Variants in YWHAG observed in about 807,000 individuals in gnomAD.
The protein encoded by YWHAG is 14-3-3 protein gamma.
YWHAG carries 1 observed loss-of-function variant against 23.3 expected under a neutral mutation model. That is an observed-to-expected ratio of 0.04 (90% confidence interval 0.02 to 0.20). YWHAG has a LOEUF of 0.20. Ranked by LOEUF, YWHAG falls within the 10% of genes least tolerant of loss-of-function variation. The probability of loss-of-function intolerance (pLI) is 1.00; values close to 1 mark genes in which losing one functional copy is unlikely to be tolerated. For missense variants in YWHAG, 151 were observed against 338.6 expected, an observed-to-expected ratio of 0.45 and a Z score of 4.35; for synonymous variants, 160 against 144.0, an observed-to-expected ratio of 1.11 and a Z score of -0.80.
chr7:76,329,491 C>CCAA lies in YWHAG; in HGVS notation c.*85_*86insTTG. The CCAA allele has an allele frequency of 2.0e-6, 2 of 981,326 alleles. No individual in the cohort carries two copies. Among genetic ancestry groups the CCAA allele is most frequent in the Non-Finnish European group, 2.8e-6 (2 of 704,828 alleles). 60.8% of individuals were successfully genotyped at this position (981,326 alleles called of 1,614,324 possible). On this transcript the variant is annotated 3_prime_UTR_variant, in exon 2 of 2. Transcript: ENST00000307630. This position sits in a 1 kb window ranked among gnomAD's most constrained non-coding sequence, Gnocchi z 6.1. ...CCTGGGAAGGTCATCCCTCCCTTTC[C>CCAA]CTCCCCCACCCGACCCCCAACTCAT...
At chr7:76,348,657 G>T (rs189774699) in intron 1 of YWHAG, among the ~76,000 whole-genome samples, 1 of 151,982 alleles carries the variant, frequency 6.6e-6, no homozygotes, top group Non-Finnish European at 1.5e-5. Flanking sequence ...ACCCACCTCA[G>T]CCTCCCAAAG....
At position 76,327,101 on chromosome 7, in the gene YWHAG, T is replaced by TC. The variant is rs747097663; in HGVS notation, c.*2475dup. 12 of 151,656 alleles carry TC rather than the reference T, an allele frequency of 7.9e-5. No individual in the cohort carries two copies. The highest frequency in any genetic ancestry group is 2.1e-4 in the South Asian group (1 of 4,784). 9.4% of individuals were successfully genotyped at this position (151,656 alleles called of 1,614,324 possible). A position where few individuals can be genotyped will look rare whatever the true frequency, so the allele number is the denominator to read the frequency against. On this transcript the variant is annotated 3_prime_UTR_variant, in exon 2 of 2. Coordinates refer to ENST00000307630, the MANE Select transcript of YWHAG (RefSeq NM_012479.4). ...AAGCTAACACTGGTGTTTCTTTTGCTCCCCCCCTTTTAAAAACAAAATATA... is the reference window on the plus strand; with the variant it reads ...AAGCTAACACTGGTGTTTCTTTTGCTCCCCCCCCTTTTAAAAACAAAATATA...
chr7:76,342,600 A>T (rs186065930), intron 1 of YWHAG, among the ~76,000 whole-genome samples: 394 of 152,224 alleles, frequency 2.6e-3, no homozygotes, highest in Non-Finnish European at 4.0e-3. Flanking sequence ...CATATCCTAG[A>T]GTCTTCTCTA....
chr7:76,351,358 C>A (rs1385989996), intron 1 of YWHAG, among the ~76,000 whole-genome samples: 1 of 149,374 alleles, frequency 6.7e-6, no homozygotes, highest in Non-Finnish European at 1.5e-5. Flanking sequence ...ATTCTCCTCT[C>A]CTGTTCATTC....
At chr7:76,349,302 G>A (rs1159606511) in intron 1 of YWHAG, among the ~76,000 whole-genome samples, 1 of 148,174 alleles carries the variant, frequency 6.7e-6, no homozygotes, top group Non-Finnish European at 1.5e-5. Context: ...TCGCGCCACT[G>A]CACTCCAGCC....
rs1803465758 is a variant in YWHAG, at chr7:76,327,668, G to GCACCCCCCCCCCCCCCCC, written c.*1908_*1909insGGGGGGGGGGGGGGGGTG. 1 of 47,086 alleles carries GCACCCCCCCCCCCCCCCC rather than the reference G, an allele frequency of 2.1e-5. No homozygotes were observed. The highest frequency in any genetic ancestry group is 3.7e-5 in the Non-Finnish European group (1 of 27,254). 2.9% of individuals were successfully genotyped at this position (47,086 alleles called of 1,614,324 possible). The stretch of plus-strand genomic sequence containing the variant: ...AATTAGGGAAAGCCCCACCTACCCT[G>GCACCCCCCCCCCCCCCCC]CCCCCCCCCCCCTCCCCCCCCAAAT... On this transcript the variant is annotated 3_prime_UTR_variant, in exon 2 of 2. Transcript: ENST00000307630.
At chr7:76,341,361 G>A (rs564724521) in intron 1 of YWHAG, among the ~76,000 whole-genome samples, 7 of 125,480 alleles carry the variant, frequency 5.6e-5, no homozygotes, top group Non-Finnish European at 9.4e-5. Flanking sequence ...CTGAGGTGGC[G>A]CCACTGCACT....
intron 1 of YWHAG, among the ~76,000 whole-genome samples, chr7:76,355,947 T>A (rs1345892471): frequency 6.6e-6 from 1 of 152,220 alleles, no homozygotes; most frequent in Non-Finnish European, 1.5e-5. Flanking sequence ...AGACTAAACA[T>A]CTGTCTTAAA....
At chr7:76,355,633 TG>T (rs928712702) in intron 1 of YWHAG, among the ~76,000 whole-genome samples, 21 of 151,942 alleles carry the variant, frequency 1.4e-4, no homozygotes, top group African/African-American at 4.4e-4. Context: ...TGGAAGAGCC[TG>T]GGGGGGAGGG....
At chr7:76,356,110 A>C (rs1803951755) in intron 1 of YWHAG, among the ~76,000 whole-genome samples, 1 of 152,206 alleles carries the variant, frequency 6.6e-6, no homozygotes, top group Admixed American at 6.5e-5. Context: ...TAATCCCTTT[A>C]TCAACAGGAT....
intron 1 of YWHAG, among the ~76,000 whole-genome samples, chr7:76,352,570 T>G (rs1203866777): frequency 6.6e-6 from 1 of 152,208 alleles, no homozygotes. Flanking sequence ...CAAGAGTTTA[T>G]TTGGAATAAT....
chr7:76,354,991 T>C (rs186873227), intron 1 of YWHAG, among the ~76,000 whole-genome samples: 32 of 152,366 alleles, frequency 2.1e-4, no homozygotes, highest in African/African-American at 6.7e-4. Context: ...GACAAAGGGA[T>C]AGACAATTAT....
intron 1 of YWHAG, among the ~76,000 whole-genome samples, chr7:76,348,598 G>T (rs1803822421): frequency 6.6e-6 from 1 of 151,982 alleles, no homozygotes; most frequent in Admixed American, 6.6e-5. Context: ...TAGAGACGGG[G>T]TTTCACCGTG....
At chr7:76,354,091 A>G (rs538703714) in intron 1 of YWHAG, among the ~76,000 whole-genome samples, 2 of 151,574 alleles carry the variant, frequency 1.3e-5, no homozygotes, top group Non-Finnish European at 2.9e-5. Context: ...AAGCAATCAA[A>G]CGCACACATA....
intron 1 of YWHAG, among the ~76,000 whole-genome samples, chr7:76,333,205 A>C (rs1019927958): frequency 6.6e-6 from 1 of 152,032 alleles, no homozygotes; most frequent in Non-Finnish European, 1.5e-5. Context: ...CCTGGCCTCA[A>C]GTGATCCACC....
chr7:76,330,500 G>T (rs116471358), intron 1 of YWHAG, among the ~76,000 whole-genome samples: 4,120 of 152,282 alleles, frequency 0.027, 196 homozygotes, highest in African/African-American at 0.093. Flanking sequence ...ACAAAACACT[G>T]TCAAGTCTAG....
intron 1 of YWHAG, among the ~76,000 whole-genome samples, chr7:76,331,291 AG>A: frequency 6.9e-6 from 1 of 145,622 alleles, no homozygotes; most frequent in South Asian, 2.1e-4. Flanking sequence ...GGATGGGGAG[AG>A]GAGAGGAGAG....
chr7:76,344,097 C>G (rs1389863695), intron 1 of YWHAG, among the ~76,000 whole-genome samples: 3 of 152,056 alleles, frequency 2.0e-5, no homozygotes, highest in African/African-American at 4.8e-5. Flanking sequence ...GGGTACAGGA[C>G]TTTAAGCAAA....
chr7:76,358,633 G>T, intron 1 of YWHAG, 89 bp downstream of exon 1: 1 of 1,329,402 alleles, frequency 7.5e-7, no homozygotes, highest in South Asian at 1.4e-5. Context: ...CCGCCATCGC[G>T]ACAGGGCGAC....
Sources: allele counts gnomAD v4.1 joint callset (sites outside exome capture counted in the v4.1 genomes callset), GRCh38; gene constraint gnomAD v4.1.1; non-coding constraint Gnocchi (gnomAD v3.1); transcripts MANE v1.5; gene names NCBI Gene and HGNC (gene_info 2026-07-23, HGNC 2026-07-21).